The following ERO1A variants were observed in gnomAD, a reference collection of about 807,000 sequenced individuals.
ERO1A encodes endoplasmic reticulum oxidoreductase 1 alpha.
ERO1A carries 49 observed loss-of-function variants against 76.9 expected under a neutral mutation model. That is an observed-to-expected ratio of 0.64 (90% confidence interval 0.51 to 0.81). The LOEUF (loss-of-function observed/expected upper bound fraction) is 0.81, where lower values mean the gene tolerates loss of function less well. Among genes scored for constraint, ERO1A ranks in the 30% least tolerant of loss-of-function variants. ERO1A has a pLI of 0.00. For synonymous variants in ERO1A, 174 were observed against 181.2 expected (o/e 0.96, Z 0.32); for missense variants, 448 against 542.1 (o/e 0.83, Z 1.72).
chr14:52,668,160 G>C (rs2040473914), intron 6 of ERO1A, among the ~76,000 whole-genome samples: 1 of 152,136 alleles, frequency 6.6e-6, no homozygotes, highest in Non-Finnish European at 1.5e-5. Flanking sequence ...TCTAGTTCAG[G>C]AATGGATAAC....
chr14:52,658,177 A>T, intron 9 of ERO1A, 27 bp from the exon 10 acceptor site: 1 of 1,454,488 alleles, frequency 6.9e-7, no homozygotes, highest in South Asian at 1.2e-5. Flanking sequence ...AATAAGTCAT[A>T]AGAATAGAAA....
At chr14:52,667,515 A>C (rs1485160389) in intron 6 of ERO1A, among the ~76,000 whole-genome samples, 1 of 152,166 alleles carries the variant, frequency 6.6e-6, no homozygotes, top group African/African-American at 2.4e-5. Context: ...CCCAGGAGTG[A>C]TTCTAAAATT....
Position 52,695,524 on chromosome 14 carries a change from C to T in ERO1A, c.-43G>A, listed in dbSNP as rs2041529531. On this transcript the variant is annotated 5_prime_UTR_variant, in exon 1 of 16. Coordinates refer to ENST00000395686, the MANE Select transcript of ERO1A (RefSeq NM_014584.3). ...GTCGCCCCACGCTTGGGAGGCCAGTCCGCACGCTCGGTCGCGGGCCGTGCG... is the reference window on the plus strand; with the variant it reads ...GTCGCCCCACGCTTGGGAGGCCAGTTCGCACGCTCGGTCGCGGGCCGTGCG... The T allele has an allele frequency of 1.4e-6, 2 of 1,390,182 alleles. No homozygotes were observed. Among genetic ancestry groups the T allele is most frequent in the Non-Finnish European group, 1.9e-6 (2 of 1,043,634 alleles). The allele number at this position is 1,390,182 out of a possible 1,614,324, so 86.1% of individuals were successfully genotyped here.
At position 52,663,857 on chromosome 14, in the gene ERO1A, A is replaced by G; in HGVS notation, c.630-10T>C. 1 of 1,487,870 alleles carries G rather than the reference A, an allele frequency of 6.7e-7. No individual in the cohort carries two copies. 92.2% of individuals were successfully genotyped at this position (1,487,870 alleles called of 1,614,324 possible). ...TTTAATTGTCTGTGGCCTAGAAGTA[A>G]AAAGAATTAAAAATATCAACACAAA... is the stretch of plus-strand genomic sequence containing the variant. On this transcript the variant is annotated splice_polypyrimidine_tract_variant and intron_variant, in intron 7 of 15. Coordinates refer to ENST00000395686, the MANE Select transcript of ERO1A (RefSeq NM_014584.3).
At chr14:52,653,941 C>A (rs964885012) in intron 11 of ERO1A, among the ~76,000 whole-genome samples, 2 of 151,972 alleles carry the variant, frequency 1.3e-5, no homozygotes, top group African/African-American at 4.8e-5. Flanking sequence ...AAAAATAGAC[C>A]TTAGGTGCAA....
chr14:52,663,830 C>G lies in ERO1A; in HGVS notation c.647G>C (p.Arg216Thr), dbSNP rs1172188263. The stretch of plus-strand genomic sequence containing the variant: ...ACCAGAAGCCAAAGGATTTAAAGGT[C>G]TTTTAATTGTCTGTGGCCTAGAAGT... The part of the protein sequence containing the change: ...ENCFKPQTIK[R>T]PLNPLASGQG... Residue 216 changes from arginine to threonine, a missense_variant, in exon 8 of 16, where the codon AGA becomes ACA. Arg to Thr is a moderately conservative substitution (Grantham distance 71). Transcript: ENST00000395686. 1 of 1,564,856 alleles carries G rather than the reference C, an allele frequency of 6.4e-7. No homozygotes were observed. The highest frequency in any genetic ancestry group is 1.7e-5 in the Admixed American group (1 of 58,820).
At chr14:52,671,603 C>G (rs749918097) in intron 6 of ERO1A, 27 bp downstream of exon 6, 2 of 1,519,956 alleles carry the variant, frequency 1.3e-6, no homozygotes, top group East Asian at 4.5e-5. Flanking sequence ...ATTTTAAACA[C>G]AATGCATACT....
chr14:52,644,141 A>G (rs1338746381), intron 15 of ERO1A, among the ~76,000 whole-genome samples: 2 of 152,150 alleles, frequency 1.3e-5, no homozygotes, highest in Non-Finnish European at 2.9e-5. Context: ...TCCTATCTCT[A>G]AAAAATCAAA....
intron 1 of ERO1A, among the ~76,000 whole-genome samples, chr14:52,685,768 G>A (rs982213116): frequency 3.9e-5 from 6 of 152,126 alleles, no homozygotes; most frequent in African/African-American, 1.4e-4. Flanking sequence ...CTTACCACCC[G>A]CTGGGTTAAA....
At chr14:52,645,794 A>G (rs1281683728) in intron 15 of ERO1A, among the ~76,000 whole-genome samples, 1 of 150,816 alleles carries the variant, frequency 6.6e-6, no homozygotes, top group African/African-American at 2.4e-5. Context: ...ACCTGAGGTC[A>G]GGAGTTCAAG....
intron 15 of ERO1A, among the ~76,000 whole-genome samples, chr14:52,644,105 A>C (rs868452669): frequency 2.0e-5 from 3 of 152,022 alleles, no homozygotes; most frequent in African/African-American, 7.3e-5. Context: ...ATGCCACTGC[A>C]CTCCAGCCTG....
chr14:52,682,336 G>A lies in ERO1A; in HGVS notation c.307C>T (p.Pro103Ser), dbSNP rs376279892. ...TACATGGTTCTTACAGATTGACATG[G>A]TTTGACAGCACAGTCCCTTCTTCCA... is the stretch of plus-strand genomic sequence containing the variant. The part of the protein sequence containing the change: ...QCGRRDCAVK[P>S]CQSDEVPDGI... Residue 103 changes from proline (P) to serine (S), a missense_variant, in exon 3 of 16, where the codon CCA (proline) becomes TCA (serine). By Grantham distance (74) the Pro-to-Ser change is moderately conservative. Coordinates refer to ENST00000395686, the MANE Select transcript of ERO1A (RefSeq NM_014584.3). 1.1e-5 allele frequency: 17 copies of A among 1,608,114 alleles called. No homozygotes were observed. Among genetic ancestry groups the A allele is most frequent in the Non-Finnish European group, 1.4e-5 (17 of 1,176,182 alleles).
At position 52,682,534 on chromosome 14, in the gene ERO1A, A is replaced by G. The variant is rs182074418; in HGVS notation, c.235-126T>C. 13 of 649,466 alleles carry G rather than the reference A, an allele frequency of 2.0e-5. No homozygotes were observed. The East Asian group carries it at 3.6e-4, about 18-fold the overall frequency. 40.2% of individuals were successfully genotyped at this position (649,466 alleles called of 1,614,324 possible). ...TGCAAATACAGTATTTCTTCCACCT[A>G]TCTGTTGCCAGTTTATAACAACTGC... On this transcript the variant is annotated intron_variant, in intron 2 of 15. Coordinates refer to ENST00000395686, the MANE Select transcript of ERO1A (RefSeq NM_014584.3).
rs143390506 is a variant in ERO1A at position 52,671,803 on chromosome 14, T to C, written c.426A>G (p.Glu142=). The C allele has an allele frequency of 5.6e-6, 9 of 1,606,934 alleles. No homozygotes were observed. In the African/African-American group the frequency reaches 6.7e-5, roughly 12 times the overall value. Residue 142 remains glutamate (E), a synonymous_variant, in exon 5 of 16, where the codon GAA becomes GAG. Transcript: ENST00000395686. The part of the protein sequence containing the change: ...EQAERLGAVD[E]SLSEETQKAV... ...GAAAAATAAAATCAAACCTCAGAGATTCATCCACTGCTCCAAGTCGTTCAG... is the reference window on the plus strand; with the variant it reads ...GAAAAATAAAATCAAACCTCAGAGACTCATCCACTGCTCCAAGTCGTTCAG...
chr14:52,692,705 T>C lies in ERO1A; in HGVS notation c.114+2663A>G, dbSNP rs143126129. On this transcript the variant is annotated intron_variant, in intron 1 of 15. Transcript: ENST00000395686. ...CTATAGCTCTTCAGGGCAGGGATAATGCCATAGTTATTTCTGTGTCCCAAA... is the reference window on the plus strand; with the variant it reads ...CTATAGCTCTTCAGGGCAGGGATAACGCCATAGTTATTTCTGTGTCCCAAA... 3.1e-3 allele frequency among the ~76,000 whole-genome samples: 470 copies of C among 152,356 alleles called. 4 individuals carry two copies. Among genetic ancestry groups the C allele is most frequent in the African/African-American group, 0.011 (440 of 41,582 alleles).
intron 4 of ERO1A, among the ~76,000 whole-genome samples, chr14:52,677,110 G>A (rs1046061732): frequency 3.3e-5 from 5 of 152,018 alleles, no homozygotes; most frequent in Non-Finnish European, 5.9e-5. Context: ...AAATGGGCAC[G>A]AAGGAGGATT....
intron 1 of ERO1A, among the ~76,000 whole-genome samples, chr14:52,691,598 T>C (rs1048637982): frequency 2.0e-5 from 3 of 152,210 alleles, no homozygotes; most frequent in Non-Finnish European, 4.4e-5. Flanking sequence ...AAACCATTGT[T>C]TCAACTGACC....
chr14:52,645,075 G>A (rs1045373592), intron 15 of ERO1A, among the ~76,000 whole-genome samples: 1 of 151,824 alleles, frequency 6.6e-6, no homozygotes, highest in African/African-American at 2.4e-5. Context: ...ATTTTGATAG[G>A]AAATAATTAT....
intron 4 of ERO1A, 106 bp downstream of exon 4, chr14:52,678,328 G>A: frequency 1.3e-6 from 1 of 759,458 alleles, no homozygotes; most frequent in African/African-American, 1.7e-5. Flanking sequence ...CCTCTCAAGG[G>A]GTTTCACCAC....
Sources: allele counts gnomAD v4.1 joint callset (sites outside exome capture counted in the v4.1 genomes callset), GRCh38; gene constraint gnomAD v4.1.1; transcripts MANE v1.5; gene names NCBI Gene and HGNC (gene_info 2026-07-23, HGNC 2026-07-21).